The following PTPRN2 variants were observed in gnomAD, a reference collection of about 807,000 sequenced individuals.
The protein encoded by PTPRN2 is protein tyrosine phosphatase receptor type N2.
In PTPRN2, 74 loss-of-function variants were observed where a neutral mutation model predicts 118.8. The ratio of observed to expected loss-of-function variants is 0.62; its 90% confidence interval spans 0.52 to 0.76. The LOEUF (loss-of-function observed/expected upper bound fraction) is 0.76. PTPRN2 is among the 30% of genes least tolerant of loss of function. The pLI is 0.00. For missense variants in PTPRN2, 1,481 were observed against 1,394.4 expected, an observed-to-expected ratio of 1.06 and a Z score of -0.99; for synonymous variants, 641 against 608.0, an observed-to-expected ratio of 1.05 and a Z score of -0.80.
At chr7:158,001,378 G>A (rs559355559) in intron 11 of PTPRN2, among the ~76,000 whole-genome samples, 7 of 152,130 alleles carry the variant, frequency 4.6e-5, no homozygotes, top group South Asian at 2.1e-4. Flanking sequence ...TAGAGTTCAC[G>A]TGCAAAGAAT....
intron 2 of PTPRN2, among the ~76,000 whole-genome samples, chr7:158,380,109 G>A (rs952101630): frequency 6.6e-6 from 1 of 152,052 alleles, no homozygotes; most frequent in African/African-American, 2.4e-5. Context: ...ATTTCAGTGG[G>A]GACACAGCCA....
intron 21 of PTPRN2, among the ~76,000 whole-genome samples, chr7:157,567,064 A>G (rs1196108550): frequency 6.6e-6 from 1 of 152,200 alleles, no homozygotes; most frequent in Non-Finnish European, 1.5e-5. Context: ...TTTGTCTGAG[A>G]GAGGGAAAGA....
intron 11 of PTPRN2, among the ~76,000 whole-genome samples, chr7:157,942,970 C>T (rs542858625): frequency 2.4e-4 from 36 of 152,294 alleles, no homozygotes; most frequent in Middle Eastern, 3.4e-3. Flanking sequence ...TCCATGCCCT[C>T]ACTTGACGAG....
intron 12 of PTPRN2, among the ~76,000 whole-genome samples, chr7:157,717,879 C>T (rs768492821): frequency 1.1e-4 from 17 of 152,254 alleles, no homozygotes; most frequent in Non-Finnish European, 2.1e-4. Flanking sequence ...ATTGCTACCC[C>T]GCGTACCTTT....
At chr7:157,951,442 T>G (rs746560426) in intron 11 of PTPRN2, among the ~76,000 whole-genome samples, 10 of 152,042 alleles carry the variant, frequency 6.6e-5, no homozygotes, top group Non-Finnish European at 1.2e-4. Context: ...ATTGGCACCT[T>G]CAGTCCCCGG....
At chr7:158,586,816 T>C (rs1828956701) in intron 1 of PTPRN2, among the ~76,000 whole-genome samples, 1 of 152,086 alleles carries the variant, frequency 6.6e-6, no homozygotes, top group Non-Finnish European at 1.5e-5. Context: ...GCCCGGCCCC[T>C]CGCGGCACAC....
In PTPRN2 at chr7:158,197,008, G is replaced by A. The variant is rs1467641463; in HGVS notation, c.381-4513C>T. Among the ~76,000 whole-genome samples the A allele has an allele frequency of 1.1e-4, 16 of 152,214 alleles. No homozygotes were observed. In the South Asian group the frequency reaches 1.2e-3, roughly 12 times the overall value. On this transcript the variant is annotated intron_variant, in intron 4 of 22. Coordinates refer to ENST00000389418, the MANE Select transcript of PTPRN2 (RefSeq NM_002847.5). The stretch of plus-strand genomic sequence containing the variant: ...TATGAGTCAAGGAGCACCTGTATAC[G>A]TATATATGTATATACATGTATGTGT...
intron 2 of PTPRN2, among the ~76,000 whole-genome samples, chr7:158,337,580 C>G (rs1236208179): frequency 7.2e-5 from 10 of 138,888 alleles, no homozygotes; most frequent in Admixed American, 2.1e-4. Flanking sequence ...TTGGTGACAC[C>G]TGCAGACGTC....
intron 6 of PTPRN2, among the ~76,000 whole-genome samples, chr7:158,157,986 A>T (rs1246485495): frequency 6.6e-6 from 1 of 152,010 alleles, no homozygotes; most frequent in African/African-American, 2.4e-5. Context: ...ACAATTTATC[A>T]GTGGCTTCCT....
At chr7:157,844,656 G>T (rs1808671139) in intron 12 of PTPRN2, among the ~76,000 whole-genome samples, 1 of 152,182 alleles carries the variant, frequency 6.6e-6, no homozygotes, top group South Asian at 2.1e-4. Context: ...TGGAGATGAA[G>T]AAAGCATTAT....
At position 157,576,606 on chromosome 7, in the gene PTPRN2, G is replaced by A. The variant is rs138801895; in HGVS notation, c.2783+7C>T. 1.7e-4 allele frequency: 266 copies of A among 1,606,004 alleles called. 1 individual carries two copies. The African/African-American group carries it at 3.1e-3, about 19-fold the overall frequency. ...GCACTGCCCTGCCGGCGGGCCGCGC[G>A]TCATACCTGCGGAAGTCCAGGAGGG... On this transcript the variant is annotated splice_region_variant and intron_variant, in intron 19 of 22. Coordinates refer to ENST00000389418, the MANE Select transcript of PTPRN2 (RefSeq NM_002847.5).
Position 157,794,315 on chromosome 7 carries a change from C to T in PTPRN2, c.1788+104358G>A, listed in dbSNP as rs116025878. ...CCTCCCCTCGTTCTCTGCTCTGACC[C>T]GGGCTCACACCTCCCTGCTCCACCC... On this transcript the variant is annotated intron_variant, in intron 12 of 22. Coordinates refer to ENST00000389418, the MANE Select transcript of PTPRN2 (RefSeq NM_002847.5). The surrounding 1 kb of genome is among the most constrained non-coding windows in gnomAD (Gnocchi z 5.2). Among the ~76,000 whole-genome samples, 653 of 152,128 alleles carry T rather than the reference C, an allele frequency of 4.3e-3. 9 individuals are homozygous for T. The highest frequency in any genetic ancestry group is 0.015 in the African/African-American group (624 of 41,454).
chr7:157,701,846 C>G (rs2952632), intron 12 of PTPRN2, among the ~76,000 whole-genome samples: 4 of 121,910 alleles, frequency 3.3e-5, no homozygotes, highest in African/African-American at 6.4e-5. Context: ...TAAGAAAGCC[C>G]GGTCGGTGCT....
At position 158,166,931 on chromosome 7, in the gene PTPRN2, C is replaced by A; in HGVS notation, c.910G>T (p.Gly304Ter). The A allele has an allele frequency of 7.0e-7, 1 of 1,425,626 alleles. No individual in the cohort carries two copies. The highest frequency in any genetic ancestry group is 9.2e-7 in the Non-Finnish European group (1 of 1,084,094). The allele number at this position is 1,425,626 out of a possible 1,614,324, so 88.3% of individuals were successfully genotyped here. Reference sequence around the variant, plus strand: ...GAAACACCAAGCGGGGCTGGCTCACCATCGCCTGTGCTGGAGGGGTCTTCG... The same window carrying A: ...GAAACACCAAGCGGGGCTGGCTCACAATCGCCTGTGCTGGAGGGGTCTTCG... ...DSEDPSSTGD[G>*]ARIHTLLKDL... Residue 304 changes from glycine to a stop codon, truncating the protein, a stop_gained and splice_region_variant, in exon 6 of 23, where the codon GGA becomes TGA. Coordinates refer to ENST00000389418, the MANE Select transcript of PTPRN2 (RefSeq NM_002847.5). LOFTEE classifies it high-confidence loss of function.
At chr7:157,635,260 T>C (rs1804241202) in intron 14 of PTPRN2, among the ~76,000 whole-genome samples, 1 of 152,246 alleles carries the variant, frequency 6.6e-6, no homozygotes, top group Non-Finnish European at 1.5e-5. Flanking sequence ...AACCATGTGT[T>C]GGATGAACTC....
chr7:158,482,918 C>T (rs943730325), intron 2 of PTPRN2, among the ~76,000 whole-genome samples: 3 of 152,184 alleles, frequency 2.0e-5, no homozygotes, highest in Admixed American at 6.5e-5. Context: ...AACCAGAATT[C>T]CCCCAGCCCC....
At chr7:158,356,648 G>A (rs1421799766) in intron 2 of PTPRN2, among the ~76,000 whole-genome samples, 1 of 152,090 alleles carries the variant, frequency 6.6e-6, no homozygotes, top group Non-Finnish European at 1.5e-5. Context: ...CCACCATCCA[G>A]GCACCATGCT....
chr7:158,151,347 C>T (rs370463315), intron 6 of PTPRN2, among the ~76,000 whole-genome samples: 4 of 70,676 alleles, frequency 5.7e-5, no homozygotes, highest in African/African-American at 9.4e-5. Context: ...CCTGCCCACA[C>T]CGCCCGCCTT....
intron 4 of PTPRN2, among the ~76,000 whole-genome samples, chr7:158,198,258 G>A (rs1276710974): frequency 1.3e-5 from 2 of 152,148 alleles, no homozygotes; most frequent in African/African-American, 2.4e-5. Context: ...GCAATGAGAG[G>A]GTTTATCATT....
Sources: allele counts gnomAD v4.1 joint callset (sites outside exome capture counted in the v4.1 genomes callset), GRCh38; gene constraint gnomAD v4.1.1; non-coding constraint Gnocchi (gnomAD v3.1); transcripts MANE v1.5; gene names NCBI Gene and HGNC (gene_info 2026-07-23, HGNC 2026-07-21).